Variants in CCDC38 observed in about 807,000 individuals in gnomAD.
CCDC38 encodes the protein coiled-coil domain containing 38.
In CCDC38, 69 loss-of-function variants were observed where a neutral mutation model predicts 72.8. That is an observed-to-expected ratio of 0.95 (90% CI 0.78 to 1.16). CCDC38 has a LOEUF of 1.16. CCDC38 is among the 50% of genes most tolerant of loss of function. The pLI is 0.00. For synonymous variants in CCDC38, 201 were observed against 213.2 expected (o/e 0.94, Z 0.50); for missense variants, 626 against 638.9 (o/e 0.98, Z 0.22).
At chr12:95,880,674 A>C (rs1374863153) in intron 11 of CCDC38, among the ~76,000 whole-genome samples, 1 of 152,160 alleles carries the variant, frequency 6.6e-6, no homozygotes, top group African/African-American at 2.4e-5. Flanking sequence ...AAAGGAAACA[A>C]ATCCTGTCAT....
chr12:95,924,579 A>G (rs2080247613), intron 2 of CCDC38, among the ~76,000 whole-genome samples: 1 of 150,662 alleles, frequency 6.6e-6, no homozygotes, highest in East Asian at 2.0e-4. Context: ...TTTGGTTGCC[A>G]TTGCTTTTGG....
intron 12 of CCDC38, among the ~76,000 whole-genome samples, chr12:95,878,596 A>T (rs568238135): frequency 6.6e-6 from 1 of 152,254 alleles, no homozygotes; most frequent in South Asian, 2.1e-4. Flanking sequence ...TTGTGGTTCC[A>T]TTCGAATTCC....
rs1416285640 is a variant in CCDC38 at position 95,942,485 on chromosome 12, T to C, written c.-69A>G. 1 of 152,232 alleles carries C rather than the reference T, an allele frequency of 6.6e-6. No homozygotes were observed. Among genetic ancestry groups the C allele is most frequent in the Non-Finnish European group, 1.5e-5 (1 of 68,070 alleles). 9.4% of individuals were successfully genotyped at this position (152,232 alleles called of 1,614,324 possible). Reference sequence around the variant, plus strand: ...CAACCTATCGTTCGGGAAGGCGTTGTGGGAAAAGTGGGCGGAGGTGCCAAT... The same window carrying C: ...CAACCTATCGTTCGGGAAGGCGTTGCGGGAAAAGTGGGCGGAGGTGCCAAT... On this transcript the variant is annotated 5_prime_UTR_variant, in exon 1 of 16. Coordinates refer to ENST00000344280, the MANE Select transcript of CCDC38 (RefSeq NM_182496.3).
intron 4 of CCDC38, among the ~76,000 whole-genome samples, chr12:95,915,428 A>G (rs2080134807): frequency 6.6e-6 from 1 of 152,210 alleles, no homozygotes; most frequent in Non-Finnish European, 1.5e-5. Context: ...CGCTGTGCGA[A>G]GATGGAAATG....
intron 1 of CCDC38, among the ~76,000 whole-genome samples, 174 bp from the exon 2 acceptor site, chr12:95,936,697 A>G (rs2080398307): frequency 6.6e-6 from 1 of 152,194 alleles, no homozygotes; most frequent in South Asian, 2.1e-4. Context: ...CAAGAAAATA[A>G]TCAGACAAGC....
intron 12 of CCDC38, 69 bp from the exon 13 acceptor site, chr12:95,878,415 C>T: frequency 1.4e-6 from 2 of 1,446,500 alleles, no homozygotes; most frequent in Non-Finnish European, 1.9e-6. Flanking sequence ...CAGTCAGGAG[C>T]TTTAACACTC....
chr12:95,920,420 A>T (rs2080192155), intron 2 of CCDC38, among the ~76,000 whole-genome samples: 1 of 152,208 alleles, frequency 6.6e-6, no homozygotes, highest in African/African-American at 2.4e-5. Flanking sequence ...CAGCCTGGGT[A>T]TGTCTTTATT....
rs2079872936 is a variant in CCDC38, at chr12:95,895,161, C to A, written c.615-15G>T. ...TTGCTATTTCACTACTCAAAAGAAA[C>A]AAAGATATGATTAGGTATATCAGTG... On this transcript the variant is annotated splice_polypyrimidine_tract_variant and intron_variant, in intron 7 of 15. Transcript: ENST00000344280. 1 of 1,590,508 alleles carries A rather than the reference C, an allele frequency of 6.3e-7. No individual in the cohort carries two copies.
At chr12:95,888,029 A>G (rs1037743298) in intron 10 of CCDC38, among the ~76,000 whole-genome samples, 2 of 152,176 alleles carry the variant, frequency 1.3e-5, no homozygotes, top group Non-Finnish European at 2.9e-5. Flanking sequence ...TGGGGTAGTA[A>G]GGGTTGAGAA....
chr12:95,928,914 C>G (rs376368516), intron 2 of CCDC38, among the ~76,000 whole-genome samples: 6 of 152,196 alleles, frequency 3.9e-5, no homozygotes, highest in East Asian at 3.9e-4. Flanking sequence ...CTCCAGCTGC[C>G]TGCTGGGAGA....
intron 4 of CCDC38, among the ~76,000 whole-genome samples, chr12:95,914,835 G>A (rs913786625): frequency 2.0e-5 from 3 of 151,736 alleles, no homozygotes; most frequent in African/African-American, 7.3e-5. Context: ...TTCAAGAAAC[G>A]AGGTCAATTT....
At chr12:95,903,568 G>A (rs753352317) in intron 5 of CCDC38, 3 of 639,096 alleles carry the variant, frequency 4.7e-6, no homozygotes, top group Non-Finnish European at 8.6e-6. Context: ...CTTCTCTTCT[G>A]TTCCTACTTT....
At chr12:95,913,920 C>T (rs1236458654) in intron 4 of CCDC38, among the ~76,000 whole-genome samples, 1 of 151,856 alleles carries the variant, frequency 6.6e-6, no homozygotes, top group East Asian at 2.0e-4. Context: ...GAGCCACGTT[C>T]ATCAGACACA....
In CCDC38 at chr12:95,869,580, CAAG is replaced by C. The variant is rs1565939492; in HGVS notation, c.1485-10_1485-8del. 1 of 1,603,898 alleles carries C rather than the reference CAAG, an allele frequency of 6.2e-7. No homozygotes were observed. Among genetic ancestry groups the C allele is most frequent in the South Asian group, 1.1e-5 (1 of 90,586 alleles). On this transcript the variant is annotated splice_polypyrimidine_tract_variant and splice_region_variant and intron_variant, in intron 14 of 15. Coordinates refer to ENST00000344280, the MANE Select transcript of CCDC38 (RefSeq NM_182496.3). ...CATTTTCTCATCACGAAACCTGTCA[CAAG>C]AAGGGAGAAACATTCTTGTAACTAT... is the stretch of plus-strand genomic sequence containing the variant.
intron 5 of CCDC38, among the ~76,000 whole-genome samples, chr12:95,901,371 A>C (rs2079948701): frequency 6.6e-6 from 1 of 152,228 alleles, no homozygotes; most frequent in Non-Finnish European, 1.5e-5. Flanking sequence ...GAAGTCTGAA[A>C]TGGTTATTGA....
chr12:95,898,464 C>T lies in CCDC38; in HGVS notation c.535G>A (p.Ala179Thr). Residue 179 changes from alanine to threonine, a missense_variant and splice_region_variant, in exon 7 of 16, where the codon GCA (alanine) becomes ACA (threonine). Coordinates refer to ENST00000344280, the MANE Select transcript of CCDC38 (RefSeq NM_182496.3). ...AGTTTGTTTATTGTTTCCTGTGCTG[C>T]CCTGAAAAGCAATGAAGATCTGTTA... ...DQRSVDALKM[A>T]AQETINKLQM... The T allele has an allele frequency of 1.2e-6, 2 of 1,614,018 alleles. No individual in the cohort carries two copies. The highest frequency in any genetic ancestry group is 1.7e-6 in the Non-Finnish European group (2 of 1,179,996).
At chr12:95,903,596 A>T in intron 5 of CCDC38, 5 of 580,862 alleles carry the variant, frequency 8.6e-6, no homozygotes, top group Non-Finnish European at 9.3e-6. Context: ...GTCTCCATCA[A>T]GAATGAATTT....
At chr12:95,918,016 C>T (rs2080165019) in intron 3 of CCDC38, among the ~76,000 whole-genome samples, 1 of 152,086 alleles carries the variant, frequency 6.6e-6, no homozygotes, top group African/African-American at 2.4e-5. Context: ...TCCACAAAAC[C>T]ATACAACACT....
intron 7 of CCDC38, among the ~76,000 whole-genome samples, 165 bp from the exon 8 acceptor site, chr12:95,895,311 G>A (rs146048979): frequency 8.2e-4 from 125 of 152,304 alleles, no homozygotes; most frequent in African/African-American, 2.7e-3. Flanking sequence ...AATATGAAAT[G>A]AGATGAAGGA....
Sources: allele counts gnomAD v4.1 joint callset (sites outside exome capture counted in the v4.1 genomes callset), GRCh38; gene constraint gnomAD v4.1.1; transcripts MANE v1.5; gene names NCBI Gene and HGNC (gene_info 2026-07-23, HGNC 2026-07-21).